The following SPARCL1 variants were observed in gnomAD, a reference collection of about 807,000 sequenced individuals.
SPARCL1 encodes SPARC-like protein 1.
Under a neutral mutation model 67.1 loss-of-function variants are expected in SPARCL1, and 52 were observed. The observed-to-expected ratio is 0.78, with a 90% confidence interval of 0.62 to 0.98. The LOEUF is 0.98. Among genes scored for constraint, SPARCL1 ranks in the 50% least tolerant of loss-of-function variants. The pLI is 0.00. For synonymous variants in SPARCL1, 226 were observed against 267.8 expected (o/e 0.84, Z 1.52); for missense variants, 717 against 782.4 (o/e 0.92, Z 1.00).
rs768730309 is a variant in SPARCL1, at chr4:87,479,525, T to A, written c.1871A>T (p.Glu624Val). The change falls in exon 10 of 11, where the codon GAA (glutamate) becomes GTA (valine). Residue 624 changes from glutamate (E) to valine (V), a missense_variant. Coordinates refer to ENST00000282470, the MANE Select transcript of SPARCL1 (RefSeq NM_004684.6). ...APLRASLVPMEHCITRFFEEC... is the reference protein window; with the variant it reads ...APLRASLVPMVHCITRFFEEC... Reference sequence around the variant, plus strand: ...CTCAAAGAAACGGGTTATGCAGTGTTCCATGGGCACCAGAGATGCTCGCAG... The same window carrying A: ...CTCAAAGAAACGGGTTATGCAGTGTACCATGGGCACCAGAGATGCTCGCAG... The A allele has an allele frequency of 1.2e-6, 2 of 1,614,104 alleles. No individual in the cohort carries two copies. The highest frequency in any genetic ancestry group is 1.7e-6 in the Non-Finnish European group (2 of 1,180,000).
At chr4:87,492,653 A>C (rs1174464439) in intron 4 of SPARCL1, among the ~76,000 whole-genome samples, 2 of 152,198 alleles carry the variant, frequency 1.3e-5, no homozygotes, top group Non-Finnish European at 2.9e-5. Flanking sequence ...ATCTCTCTGA[A>C]TTTGTTGGTA....
At chr4:87,490,931 A>C in intron 5 of SPARCL1, 53 bp from the exon 6 acceptor site, 1 of 1,080,840 alleles carries the variant, frequency 9.3e-7, no homozygotes, top group Non-Finnish European at 1.3e-6. Context: ...TGAGTATGTA[A>C]ATACAAATTC....
intron 1 of SPARCL1, among the ~76,000 whole-genome samples, chr4:87,509,522 G>A (rs1464302482): frequency 6.6e-6 from 1 of 152,204 alleles, no homozygotes; most frequent in African/African-American, 2.4e-5. Flanking sequence ...GTAGTTAGCT[G>A]TATGAAGGAT....
At chr4:87,496,927 A>G (rs577996134) in intron 2 of SPARCL1, among the ~76,000 whole-genome samples, 1 of 152,284 alleles carries the variant, frequency 6.6e-6, no homozygotes, top group African/African-American at 2.4e-5. Flanking sequence ...AGGCTGAAAT[A>G]CAGTGGTGAT....
Position 87,480,356 on chromosome 4 carries a change from G to A in SPARCL1, c.1817+16C>T, listed in dbSNP as rs372108298. 1.2e-5 allele frequency: 18 copies of A among 1,550,368 alleles called. No homozygotes were observed. The South Asian group carries it at 1.6e-4, about 13-fold the overall frequency. ...AGAGAGATAAATCTAGAAATGGAAAGGTAAAGAGTTCTTACCTATCCATAG... is the reference window on the plus strand; with the variant it reads ...AGAGAGATAAATCTAGAAATGGAAAAGTAAAGAGTTCTTACCTATCCATAG... On this transcript the variant is annotated intron_variant, in intron 9 of 10. Transcript: ENST00000282470.
rs1359810432 is a variant in SPARCL1, at chr4:87,506,824, TCTAC to T, written c.-11-7243_-11-7240del. Among the ~76,000 whole-genome samples, 327 of 113,238 alleles carry T rather than the reference TCTAC, an allele frequency of 2.9e-3. 1 individual carries two copies. The highest frequency in any genetic ancestry group is 8.5e-3 in the African/African-American group (268 of 31,416). The allele number at this position is 113,238 out of a possible 152,430, so 74.3% of individuals were successfully genotyped here. On this transcript the variant is annotated intron_variant, in intron 1 of 10. Coordinates refer to ENST00000282470, the MANE Select transcript of SPARCL1 (RefSeq NM_004684.6). ...ATCTATCTATCTATCTATCTATCTA[TCTAC>T]CTACCTACCTACCTACCTATCTCCT... is the stretch of plus-strand genomic sequence containing the variant.
At chr4:87,499,722 T>C in intron 1 of SPARCL1, 137 bp from the exon 2 acceptor site, 2 of 715,234 alleles carry the variant, frequency 2.8e-6, no homozygotes, top group Non-Finnish European at 2.4e-6. Context: ...GATTAATATG[T>C]CTGAAAAGAC....
At chr4:87,501,548 CTTA>C (rs1038530349) in intron 1 of SPARCL1, among the ~76,000 whole-genome samples, 12 of 151,652 alleles carry the variant, frequency 7.9e-5, no homozygotes, top group Non-Finnish European at 1.5e-4. Context: ...GGTCTATTTT[CTTA>C]TAATTTCCAG....
chr4:87,514,054 C>T (rs973843786), intron 1 of SPARCL1, among the ~76,000 whole-genome samples: 1 of 151,966 alleles, frequency 6.6e-6, no homozygotes, highest in Non-Finnish European at 1.5e-5. Context: ...ACTAGCTGGG[C>T]GTGGTGGCAT....
At chr4:87,496,069 G>A (rs1230742912) in intron 2 of SPARCL1, among the ~76,000 whole-genome samples, 2 of 152,184 alleles carry the variant, frequency 1.3e-5, no homozygotes, top group Non-Finnish European at 2.9e-5. Context: ...CTTGGATAAA[G>A]AGCTGGGCAG....
chr4:87,481,583 C>T (rs868418521), intron 8 of SPARCL1, among the ~76,000 whole-genome samples: 90 of 152,234 alleles, frequency 5.9e-4, no homozygotes, highest in Middle Eastern at 6.8e-3. Flanking sequence ...ATGCTAAATC[C>T]CTGGCCAATT....
intron 1 of SPARCL1, among the ~76,000 whole-genome samples, chr4:87,502,508 A>AAT (rs1399429312): frequency 6.6e-6 from 1 of 152,200 alleles, no homozygotes; most frequent in East Asian, 1.9e-4. Context: ...TATGAGTGAG[A>AAT]ATATGCTTAT....
intron 1 of SPARCL1, among the ~76,000 whole-genome samples, chr4:87,506,186 C>T (rs1578109350): frequency 6.6e-6 from 1 of 152,194 alleles, no homozygotes; most frequent in East Asian, 1.9e-4. Context: ...CTGGTGCTTT[C>T]AGATTAGAGA....
chr4:87,499,321 C>A (rs377757499), intron 2 of SPARCL1, among the ~76,000 whole-genome samples, 200 bp downstream of exon 2: 244 of 152,188 alleles, frequency 1.6e-3, no homozygotes, highest in Non-Finnish European at 2.1e-3. Context: ...TCCTGTAGAA[C>A]CTGATAGTTC....
chr4:87,485,530 T>C (rs1426332721), intron 7 of SPARCL1, among the ~76,000 whole-genome samples: 2 of 152,116 alleles, frequency 1.3e-5, no homozygotes. Context: ...AATTTTTTTT[T>C]TTTTTTGTAT....
At chr4:87,487,129 GT>G (rs1724110234) in intron 7 of SPARCL1, among the ~76,000 whole-genome samples, 1 of 151,686 alleles carries the variant, frequency 6.6e-6, no homozygotes, top group Non-Finnish European at 1.5e-5. Context: ...ATTTGATCCT[GT>G]CATTATGATG....
intron 7 of SPARCL1, among the ~76,000 whole-genome samples, chr4:87,485,800 A>G (rs894884445): frequency 3.3e-5 from 5 of 151,910 alleles, no homozygotes; most frequent in Non-Finnish European, 7.4e-5. Flanking sequence ...TTGGGAGGGT[A>G]TATGTGTCCA....
At chr4:87,492,236 G>C (rs1295199866) in intron 4 of SPARCL1, among the ~76,000 whole-genome samples, 4 of 152,062 alleles carry the variant, frequency 2.6e-5, no homozygotes, top group Admixed American at 2.6e-4. Flanking sequence ...TGACCAACAA[G>C]GTGAAACCCT....
At chr4:87,480,732 T>G (rs1723786474) in intron 8 of SPARCL1, among the ~76,000 whole-genome samples, 1 of 152,186 alleles carries the variant, frequency 6.6e-6, no homozygotes, top group Non-Finnish European at 1.5e-5. Flanking sequence ...AAACCTCTGG[T>G]TTTTAGAAGA....
Sources: allele counts gnomAD v4.1 joint callset (sites outside exome capture counted in the v4.1 genomes callset), GRCh38; gene constraint gnomAD v4.1.1; transcripts MANE v1.5; gene names NCBI Gene and HGNC (gene_info 2026-07-23, HGNC 2026-07-21).